GRM5: variants seen among roughly 807,000 people sequenced by gnomAD.
GRM5 encodes metabotropic glutamate receptor 5.
GRM5 carries 19 observed loss-of-function variants against 83.1 expected under a neutral mutation model. That is an observed-to-expected ratio of 0.23 (90% CI 0.16 to 0.34). The LOEUF is 0.34. Ranked by LOEUF, GRM5 falls within the 10% of genes least tolerant of loss-of-function variation. The pLI is 1.00. For missense variants in GRM5, 1,160 were observed against 1,588.3 expected (o/e 0.73, Z 4.58); for synonymous variants, 675 against 633.6 (o/e 1.07, Z -0.98).
chr11:89,031,461 GA>G, intron 2 of GRM5, among the ~76,000 whole-genome samples: 1 of 151,826 alleles, frequency 6.6e-6, no homozygotes, highest in East Asian at 1.9e-4. Flanking sequence ...AAATAAAAAA[GA>G]CTCTGAGGGC....
intron 8 of GRM5, among the ~76,000 whole-genome samples, chr11:88,540,560 A>G (rs993487793): frequency 6.6e-6 from 1 of 152,042 alleles, no homozygotes; most frequent in Non-Finnish European, 1.5e-5. Flanking sequence ...GCAGTTCTGG[A>G]AAGTCCTGGG....
At chr11:88,746,791 C>T (rs75309501) in intron 3 of GRM5, among the ~76,000 whole-genome samples, 1 of 151,938 alleles carries the variant, frequency 6.6e-6, no homozygotes, top group East Asian at 1.9e-4. Context: ...AAAAAAGTAG[C>T]ATGTAAGAAG....
chr11:88,533,487 G>T (rs1210908352), intron 8 of GRM5, among the ~76,000 whole-genome samples: 1 of 151,992 alleles, frequency 6.6e-6, no homozygotes, highest in African/African-American at 2.4e-5. Context: ...CTTTTATCAG[G>T]AAAACTTATC....
At chr11:88,847,159 TTGAGTCTTACTTAGAACTCCTG>T (rs1257676822) in intron 3 of GRM5, among the ~76,000 whole-genome samples, 1 of 152,216 alleles carries the variant, frequency 6.6e-6, no homozygotes, top group Non-Finnish European at 1.5e-5. Flanking sequence ...TCAATATTTA[TTGAGTCTTACTTAGAACTCCTG>T]TGTATAAAAT....
intron 4 of GRM5, among the ~76,000 whole-genome samples, chr11:88,619,088 G>A (rs751234707): frequency 1.1e-4 from 17 of 152,124 alleles, no homozygotes; most frequent in Admixed American, 2.0e-4. Flanking sequence ...CCTCCAAAAG[G>A]ATTAGCAGAA....
intron 2 of GRM5, among the ~76,000 whole-genome samples, chr11:88,856,468 C>T (rs564429741): frequency 6.6e-6 from 1 of 152,130 alleles, no homozygotes; most frequent in Admixed American, 6.6e-5. Flanking sequence ...AGCTGTCATC[C>T]CCTATGATAA....
intron 2 of GRM5, among the ~76,000 whole-genome samples, chr11:88,850,625 GTATTA>G (rs66593911): frequency 0.017 from 2,578 of 149,088 alleles, 40 homozygotes; most frequent in East Asian, 0.068. Flanking sequence ...ATTTTATAAA[GTATTA>G]TATTATATAT....
chr11:88,974,158 C>T (rs1045252433), intron 2 of GRM5, among the ~76,000 whole-genome samples: 1 of 152,060 alleles, frequency 6.6e-6, no homozygotes, highest in Non-Finnish European at 1.5e-5. Context: ...GCCAGTTGAA[C>T]CTGTGTCTTT....
chr11:88,833,021 C>G (rs1944023255), intron 3 of GRM5, among the ~76,000 whole-genome samples: 1 of 151,858 alleles, frequency 6.6e-6, no homozygotes, highest in Admixed American at 6.6e-5. Flanking sequence ...TAAAAGAAAA[C>G]ATAGAGGAAA....
intron 3 of GRM5, among the ~76,000 whole-genome samples, chr11:88,836,599 G>A (rs981363100): frequency 2.6e-5 from 4 of 151,976 alleles, no homozygotes; most frequent in Non-Finnish European, 5.9e-5. Flanking sequence ...TGAGACCAAC[G>A]TGGCCAAGAT....
chr11:88,964,562 C>G (rs1163679687), intron 2 of GRM5, among the ~76,000 whole-genome samples: 1 of 152,104 alleles, frequency 6.6e-6, no homozygotes, highest in Non-Finnish European at 1.5e-5. Context: ...AACAAATAGA[C>G]AGACACCTGC....
chr11:88,989,852 A>T (rs1440143424), intron 2 of GRM5, among the ~76,000 whole-genome samples: 14 of 151,942 alleles, frequency 9.2e-5, no homozygotes, highest in Non-Finnish European at 1.3e-4. Context: ...TCTGGGACGC[A>T]TTCAAAGCAG....
chr11:88,599,229 A>G (rs888792784), intron 5 of GRM5, among the ~76,000 whole-genome samples: 4 of 152,256 alleles, frequency 2.6e-5, no homozygotes, highest in African/African-American at 9.6e-5. Flanking sequence ...AAAAATAAAC[A>G]TGAAAACTCT....
chr11:88,865,956 G>A (rs1474577957), intron 2 of GRM5, among the ~76,000 whole-genome samples: 1 of 152,126 alleles, frequency 6.6e-6, no homozygotes, highest in Non-Finnish European at 1.5e-5. Flanking sequence ...TACACTGTTG[G>A]TGGAAGTGTA....
chr11:88,960,649 T>C (rs943252492), intron 2 of GRM5, among the ~76,000 whole-genome samples: 7 of 152,086 alleles, frequency 4.6e-5, no homozygotes, highest in African/African-American at 1.7e-4. Flanking sequence ...TACCCAGAAA[T>C]TTTAGGAAAC....
At chr11:88,931,498 C>T (rs2135647894) in intron 2 of GRM5, among the ~76,000 whole-genome samples, 1 of 151,430 alleles carries the variant, frequency 6.6e-6, no homozygotes, top group African/African-American at 2.4e-5. Flanking sequence ...AGACACTAGC[C>T]TTTGATCTGG....
At chr11:88,796,494 T>C (rs1003863766) in intron 3 of GRM5, among the ~76,000 whole-genome samples, 12 of 152,166 alleles carry the variant, frequency 7.9e-5, no homozygotes, top group Non-Finnish European at 7.3e-5. Flanking sequence ...ACATGACTTA[T>C]TGAAGATTAG....
intron 4 of GRM5, among the ~76,000 whole-genome samples, chr11:88,646,684 A>G (rs1055703598): frequency 6.6e-6 from 1 of 151,990 alleles, no homozygotes; most frequent in African/African-American, 2.4e-5. Flanking sequence ...AAGGTGAAAG[A>G]AATGGGAAAG....
chr11:89,028,935 C>T (rs1263430513), intron 2 of GRM5, among the ~76,000 whole-genome samples: 1 of 152,120 alleles, frequency 6.6e-6, no homozygotes, highest in Non-Finnish European at 1.5e-5. Context: ...TATCCCTTCC[C>T]CAGTCCCCCA....
Sources: gnomAD v4.1 joint callset for allele counts (sites outside exome capture counted in the v4.1 genomes callset) on GRCh38, gnomAD v4.1.1 for gene constraint, MANE v1.5 for transcripts, NCBI Gene and HGNC (gene_info 2026-07-23, HGNC 2026-07-21) for gene names.